The following HDAC4 variants were observed in gnomAD, a reference collection of about 807,000 sequenced individuals.
The protein encoded by HDAC4 is histone deacetylase A.
A neutral mutation model predicts 135.1 loss-of-function variants in HDAC4; 16 were observed. The ratio of observed to expected loss-of-function variants is 0.12; its 90% confidence interval spans 0.08 to 0.18. The LOEUF is 0.18. Among genes scored for constraint, HDAC4 ranks in the 10% least tolerant of loss-of-function variants. The pLI is 1.00. For synonymous variants in HDAC4, 685 were observed against 653.4 expected (o/e 1.05, Z -0.74); for missense variants, 1,143 against 1,511.8 (o/e 0.76, Z 4.05).
At position 239,262,947 on chromosome 2, in the gene HDAC4, C is replaced by T. The variant is rs1056500700; in HGVS notation, c.23-26283G>A. ...ACAGCCTGGAAGCTTCTGTGCTTCA[C>T]GAAAGATCTACGCGTGAAGCCCCCG... On this transcript the variant is annotated intron_variant, in intron 2 of 26. Coordinates refer to ENST00000543185, the MANE Select transcript of HDAC4 (RefSeq NM_001378414.1). This position sits in a 1 kb window ranked among gnomAD's most constrained non-coding sequence, Gnocchi z 4.1. 6.6e-6 allele frequency among the ~76,000 whole-genome samples: 1 copy of T among 151,994 alleles called. No individual in the cohort carries two copies. Among genetic ancestry groups the T allele is most frequent in the South Asian group, 2.1e-4 (1 of 4,802 alleles).
chr2:239,135,408 G>A (rs1320867620), intron 9 of HDAC4, among the ~76,000 whole-genome samples: 5 of 152,190 alleles, frequency 3.3e-5, no homozygotes, highest in Non-Finnish European at 7.3e-5. Flanking sequence ...GACCAGTGAC[G>A]GCAGAGCTCA....
At chr2:239,143,461 G>C (rs2041541492) in intron 8 of HDAC4, among the ~76,000 whole-genome samples, 1 of 152,172 alleles carries the variant, frequency 6.6e-6, no homozygotes, top group South Asian at 2.1e-4. Flanking sequence ...CTGTAGAAAA[G>C]GTCTGTGTGT....
chr2:239,111,516 C>T lies in HDAC4; in HGVS notation c.1978+10G>A, dbSNP rs142812167. ...TTGCACCCTCAGGCTGCACAAAGGCCACGTGTTACCTGTCGTGAACCTCGG... is the reference window on the plus strand; with the variant it reads ...TTGCACCCTCAGGCTGCACAAAGGCTACGTGTTACCTGTCGTGAACCTCGG... On this transcript the variant is annotated intron_variant, in intron 14 of 26. Coordinates refer to ENST00000543185, the MANE Select transcript of HDAC4 (RefSeq NM_001378414.1). The T allele has an allele frequency of 6.6e-4, 1,056 of 1,610,668 alleles. 5 individuals carry two copies. The African/African-American group carries it at 0.012, about 19-fold the overall frequency.
chr2:239,385,421 A>C (rs1356767379), intron 1 of HDAC4, among the ~76,000 whole-genome samples: 1 of 152,244 alleles, frequency 6.6e-6, no homozygotes, highest in Non-Finnish European at 1.5e-5. Flanking sequence ...GACTCTGCCC[A>C]GCTCAGCAGC....
At chr2:239,199,740 T>C (rs1298410274) in intron 3 of HDAC4, among the ~76,000 whole-genome samples, 1 of 151,082 alleles carries the variant, frequency 6.6e-6, no homozygotes, top group Admixed American at 6.6e-5. Flanking sequence ...ACATTTCTTT[T>C]TTTTTTTTTT....
chr2:239,144,729 G>A lies in HDAC4; in HGVS notation c.734-15C>T, dbSNP rs562376734. On this transcript the variant is annotated splice_polypyrimidine_tract_variant and intron_variant, in intron 7 of 26. Coordinates refer to ENST00000543185, the MANE Select transcript of HDAC4 (RefSeq NM_001378414.1). ...CGGTTCAGAAGCTGCACAAAAAGGA[G>A]ATGTCATTACAGCCAGGCAGACACC... 6.8e-6 allele frequency: 11 copies of A among 1,614,034 alleles called. No homozygotes were observed. In the Admixed American group the frequency reaches 1.8e-4, roughly 27 times the overall value.
At chr2:239,067,040 T>C (rs2033594217) in intron 23 of HDAC4, 185 bp from the exon 24 acceptor site, 2 of 691,556 alleles carry the variant, frequency 2.9e-6, no homozygotes. Flanking sequence ...TTTGATCTGT[T>C]TGAGAGGAGG....
chr2:239,147,284 C>T (rs1361062646), intron 7 of HDAC4, among the ~76,000 whole-genome samples: 1 of 152,252 alleles, frequency 6.6e-6, no homozygotes, highest in Non-Finnish European at 1.5e-5. Context: ...TGCCTGCTTT[C>T]AGGGTGGCCA....
chr2:239,182,324 C>T (rs1372672156), intron 4 of HDAC4, among the ~76,000 whole-genome samples: 1 of 152,232 alleles, frequency 6.6e-6, no homozygotes, highest in Non-Finnish European at 1.5e-5. Flanking sequence ...CCTCCCGCTG[C>T]TCAGAGCTCA....
At chr2:239,185,512 G>A (rs1054608074) in intron 4 of HDAC4, among the ~76,000 whole-genome samples, 14 of 151,770 alleles carry the variant, frequency 9.2e-5, no homozygotes, top group African/African-American at 3.1e-4. Context: ...CTAGGGAGAG[G>A]TGCACAGTGT....
At chr2:239,114,182 G>A (rs2038926229) in intron 13 of HDAC4, among the ~76,000 whole-genome samples, 1 of 152,190 alleles carries the variant, frequency 6.6e-6, no homozygotes, top group African/African-American at 2.4e-5. Flanking sequence ...AGGTGCTGCT[G>A]GGGGTGGAGA....
chr2:239,098,078 G>A (rs2037279161), intron 16 of HDAC4, among the ~76,000 whole-genome samples: 1 of 152,224 alleles, frequency 6.6e-6, no homozygotes, highest in Non-Finnish European at 1.5e-5. Context: ...AAAACCACAA[G>A]TCATCCGACT....
chr2:239,150,252 C>A (rs538246596), intron 7 of HDAC4, among the ~76,000 whole-genome samples: 1 of 152,046 alleles, frequency 6.6e-6, no homozygotes, highest in South Asian at 2.1e-4. Context: ...GATACACAGA[C>A]ATACAGATAC....
chr2:239,170,852 A>C (rs551395259), intron 5 of HDAC4, among the ~76,000 whole-genome samples: 67 of 152,294 alleles, frequency 4.4e-4, no homozygotes, highest in African/African-American at 1.6e-3. Flanking sequence ...TAGGGCCACA[A>C]AAACTGAGGA....
chr2:239,273,439 T>A (rs1177439786), intron 2 of HDAC4, among the ~76,000 whole-genome samples: 1 of 152,190 alleles, frequency 6.6e-6, no homozygotes, highest in Non-Finnish European at 1.5e-5. Context: ...AAGCCTTTCC[T>A]GTGTGAGCCG....
rs74003945 is a variant in HDAC4, at chr2:239,351,659, C to G, written c.22+1019G>C. Reference sequence around the variant, plus strand: ...AATCTTGCCCTCTGGAATTTTCAGACAAAGACGATTCCACCCAGGGAAAGA... The same window carrying G: ...AATCTTGCCCTCTGGAATTTTCAGAGAAAGACGATTCCACCCAGGGAAAGA... On this transcript the variant is annotated intron_variant, in intron 2 of 26. Coordinates refer to ENST00000543185, the MANE Select transcript of HDAC4 (RefSeq NM_001378414.1). 1,519 of 154,510 alleles carry G rather than the reference C, an allele frequency of 9.8e-3. 25 individuals carry two copies. Among genetic ancestry groups the G allele is most frequent in the African/African-American group, 0.035 (1,457 of 41,646 alleles). 9.6% of individuals were successfully genotyped at this position (154,510 alleles called of 1,614,324 possible).
intron 22 of HDAC4, among the ~76,000 whole-genome samples, chr2:239,075,527 G>C (rs953645196): frequency 1.3e-5 from 2 of 152,194 alleles, no homozygotes; most frequent in Admixed American, 1.3e-4. Context: ...GCAAGCCCAG[G>C]GAAGCCATGA....
chr2:239,279,523 G>A (rs929941206), intron 2 of HDAC4, among the ~76,000 whole-genome samples: 13 of 152,236 alleles, frequency 8.5e-5, no homozygotes, highest in Non-Finnish European at 1.9e-4. Context: ...TCTCTCCAAC[G>A]TCCCAGCAGA....
intron 2 of HDAC4, among the ~76,000 whole-genome samples, chr2:239,242,266 C>T (rs1284643705): frequency 6.9e-6 from 1 of 145,874 alleles, no homozygotes; most frequent in African/African-American, 2.5e-5. Context: ...GGGAAACGAA[C>T]AGTGCCTGGG....
Sources: allele counts gnomAD v4.1 joint callset (sites outside exome capture counted in the v4.1 genomes callset), GRCh38; gene constraint gnomAD v4.1.1; non-coding constraint Gnocchi (gnomAD v3.1); transcripts MANE v1.5; gene names NCBI Gene and HGNC (gene_info 2026-07-23, HGNC 2026-07-21).